Variants in RHBG observed in about 807,000 individuals in gnomAD.
RHBG encodes the protein ammonium transporter Rh type B.
A neutral mutation model predicts 40.1 loss-of-function variants in RHBG; 39 were observed. That is an observed-to-expected ratio of 0.97 (90% CI 0.75 to 1.27). RHBG has a LOEUF of 1.27. RHBG is among the 50% of genes most tolerant of loss of function. The probability of loss-of-function intolerance (pLI) is 0.00; values close to 1 mark genes in which losing one functional copy is unlikely to be tolerated. For missense variants in RHBG, 549 were observed against 588.1 expected (o/e 0.93, Z 0.69); for synonymous variants, 237 against 252.5 (o/e 0.94, Z 0.58).
chr1:156,381,679 C>T, intron 5 of RHBG, 127 bp from the exon 6 acceptor site: 1 of 1,403,808 alleles, frequency 7.1e-7, no homozygotes, highest in Non-Finnish European at 9.7e-7. Context: ...GATATGGTAG[C>T]AGGACAATGA....
In RHBG at chr1:156,377,898, C is replaced by CCCAA; in HGVS notation, c.375-92_375-91insCCAA. The CCCAA allele has an allele frequency of 7.6e-7, 1 of 1,308,002 alleles. No individual in the cohort carries two copies. Among genetic ancestry groups the CCCAA allele is most frequent in the Non-Finnish European group, 1.0e-6 (1 of 958,498 alleles). The allele number at this position is 1,308,002 out of a possible 1,614,324, so 81.0% of individuals were successfully genotyped here. Reference sequence around the variant, plus strand: ...AGAACTCCAACCCCACCCCACCCACCACATCATGCTGTCCTGGCTTCATGC... The same window carrying CCCAA: ...AGAACTCCAACCCCACCCCACCCACCCCAAACATCATGCTGTCCTGGCTTCATGC... On this transcript the variant is annotated intron_variant, in intron 2 of 9. Coordinates refer to ENST00000537040, the MANE Select transcript of RHBG (RefSeq NM_020407.5). The surrounding 1 kb of genome is among the most constrained non-coding windows in gnomAD (Gnocchi z 4.6).
chr1:156,382,689 C>T (rs1667741863), intron 7 of RHBG, 59 bp from the exon 8 acceptor site: 1 of 1,604,164 alleles, frequency 6.2e-7, no homozygotes, highest in South Asian at 1.1e-5. Flanking sequence ...AGCCCTGGCC[C>T]CGGGCTGCAT....
At chr1:156,382,307 CATCCA>C in intron 7 of RHBG, 106 bp downstream of exon 7, 1 of 1,550,958 alleles carries the variant, frequency 6.4e-7, no homozygotes, top group Non-Finnish European at 8.9e-7. Context: ...TTCATTCATT[CATCCA>C]TATTCTGGGA....
Position 156,382,065 on chromosome 1 carries a change from C to T in RHBG, c.979-3C>T, listed in dbSNP as rs1667684174. 2 of 1,610,230 alleles carry T rather than the reference C, an allele frequency of 1.2e-6. No homozygotes were observed. Among genetic ancestry groups the T allele is most frequent in the Non-Finnish European group, 1.7e-6 (2 of 1,177,134 alleles). ...GAGACTCATGATCTGTCTTGCCCTCCAGCCCATCCTTGAATCAAAATTCAA... is the reference window on the plus strand; with the variant it reads ...GAGACTCATGATCTGTCTTGCCCTCTAGCCCATCCTTGAATCAAAATTCAA... On this transcript the variant is annotated splice_region_variant and splice_polypyrimidine_tract_variant and intron_variant, in intron 6 of 9. Transcript: ENST00000537040.
intron 1 of RHBG, among the ~76,000 whole-genome samples, chr1:156,373,904 CCTTT>C: frequency 6.6e-6 from 1 of 152,170 alleles, no homozygotes; most frequent in African/African-American, 2.4e-5. Flanking sequence ...GATGCCTCTC[CCTTT>C]CTGTTTTTTT....
Position 156,369,518 on chromosome 1 carries a change from G to T in RHBG, c.187+82G>T, listed in dbSNP as rs565502368. The T allele has an allele frequency of 3.5e-6, 5 of 1,422,238 alleles. No individual in the cohort carries two copies. In the East Asian group the frequency reaches 1.3e-4, roughly 36 times the overall value. The allele number at this position is 1,422,238 out of a possible 1,614,324, so 88.1% of individuals were successfully genotyped here. A position where few individuals can be genotyped will look rare whatever the true frequency, so the allele number is the denominator to read the frequency against. On this transcript the variant is annotated intron_variant, in intron 1 of 9. Coordinates refer to ENST00000537040, the MANE Select transcript of RHBG (RefSeq NM_020407.5). ...TCCGGTGTCTTGGGAGGGAGCATTT[G>T]GGTGCCCGCATTTAGCTGGGCAGCC...
chr1:156,372,100 C>T (rs1442628456), intron 1 of RHBG, among the ~76,000 whole-genome samples: 4 of 152,124 alleles, frequency 2.6e-5, no homozygotes, highest in South Asian at 4.1e-4. Context: ...CCCTTTGATT[C>T]GGGAGATGAA....
chr1:156,380,725 C>CAAAAA (rs564713959), intron 4 of RHBG, among the ~76,000 whole-genome samples: 2 of 81,984 alleles, frequency 2.4e-5, no homozygotes, highest in Admixed American at 1.4e-4. Context: ...GACCTTGTCT[C>CAAAAA]AAAAAAAAAA....
At chr1:156,375,764 G>A (rs1667149243) in intron 1 of RHBG, among the ~76,000 whole-genome samples, 1 of 149,728 alleles carries the variant, frequency 6.7e-6, no homozygotes, top group South Asian at 2.1e-4. Flanking sequence ...TTTTTGACAC[G>A]GAATCTCACT....
chr1:156,384,744 A>G (rs1434418435), intron 9 of RHBG, 33 bp from the exon 10 acceptor site: 16 of 1,607,784 alleles, frequency 1.0e-5, no homozygotes, highest in Non-Finnish European at 1.4e-5. Flanking sequence ...TCCTGGAGCT[A>G]CCCTTTCACC....
chr1:156,378,044 C>T lies in RHBG; in HGVS notation c.429C>T (p.Val143=). 6 of 1,592,660 alleles carry T rather than the reference C, an allele frequency of 3.8e-6. No homozygotes were observed. The highest frequency in any genetic ancestry group is 4.3e-6 in the Non-Finnish European group (5 of 1,168,768). The change falls in exon 3 of 10, where the codon GTC becomes GTT. Residue 143 remains valine (V), a synonymous_variant. Transcript: ENST00000537040. ...CCGTGCTCATCTCCTTTGGTGCCGTCCTGGGCAAGACCGGGCCTACCCAGC... is the reference window on the plus strand; with the variant it reads ...CCGTGCTCATCTCCTTTGGTGCCGTTCTGGGCAAGACCGGGCCTACCCAGC... ...AGAVLISFGA[V]LGKTGPTQLL...
At chr1:156,384,639 C>T in intron 9 of RHBG, 39 bp downstream of exon 9, 1 of 1,551,584 alleles carries the variant, frequency 6.4e-7, no homozygotes, top group South Asian at 1.2e-5. Context: ...CTGAGTCTCC[C>T]TTCCCTGCCT....
chr1:156,377,895 C>T lies in RHBG; in HGVS notation c.375-95C>T, dbSNP rs553684844. ...TCCAGAACTCCAACCCCACCCCACC[C>T]ACCACATCATGCTGTCCTGGCTTCA... On this transcript the variant is annotated intron_variant, in intron 2 of 9. Coordinates refer to ENST00000537040, the MANE Select transcript of RHBG (RefSeq NM_020407.5). The surrounding 1 kb of genome is among the most constrained non-coding windows in gnomAD (Gnocchi z 4.6). 3.9e-5 allele frequency: 50 copies of T among 1,275,700 alleles called. No homozygotes were observed. The South Asian group carries it at 7.8e-4, about 20-fold the overall frequency. The allele number at this position is 1,275,700 out of a possible 1,614,324, so 79.0% of individuals were successfully genotyped here.
chr1:156,381,614 G>T (rs2101800478), intron 5 of RHBG, 101 bp downstream of exon 5: 1 of 1,451,082 alleles, frequency 6.9e-7, no homozygotes, highest in Non-Finnish European at 9.3e-7. Flanking sequence ...ACAGATAAGG[G>T]CACAGGCATA....
intron 6 of RHBG, 57 bp downstream of exon 6, chr1:156,382,000 C>T (rs1041899926): frequency 5.6e-6 from 9 of 1,608,972 alleles, no homozygotes; most frequent in East Asian, 2.2e-5. Flanking sequence ...CCTTTCCTCC[C>T]GCCTCTCCAA....
chr1:156,377,534 C>A lies in RHBG; in HGVS notation c.374+47C>A. ...AGCTCCCCAAGGTTCACTCGGGAGG[C>A]CCCTGCCCATGGGCCCCGGATCTAG... On this transcript the variant is annotated intron_variant, in intron 2 of 9. Transcript: ENST00000537040. The surrounding 1 kb of genome is among the most constrained non-coding windows in gnomAD (Gnocchi z 4.6). 1 of 1,568,714 alleles carries A rather than the reference C, an allele frequency of 6.4e-7. No homozygotes were observed. The highest frequency in any genetic ancestry group is 1.3e-5 in the African/African-American group (1 of 74,134).
Position 156,381,389 on chromosome 1 carries a change from C to T in RHBG, c.716C>T (p.Ala239Val). Residue 239 changes from alanine to valine, a missense_variant, in exon 5 of 10, where the codon GCA (alanine) becomes GTA (valine). Coordinates refer to ENST00000537040, the MANE Select transcript of RHBG (RefSeq NM_020407.5). ...LWIFWPSFNAALTALGAGQHR... is the reference protein window; with the variant it reads ...LWIFWPSFNAVLTALGAGQHR... ...ATCTTCTGGCCTAGCTTCAATGCTG[C>T]ACTCACAGCGCTGGGGGCTGGGCAG... 6.2e-7 allele frequency: 1 copy of T among 1,614,178 alleles called. No individual in the cohort carries two copies. The highest frequency in any genetic ancestry group is 1.1e-5 in the South Asian group (1 of 91,090).
At chr1:156,382,225 T>C (rs1332471485) in intron 7 of RHBG, 24 bp downstream of exon 7, 3 of 1,614,092 alleles carry the variant, frequency 1.9e-6, no homozygotes, top group East Asian at 4.5e-5. Context: ...CAACCCGTAC[T>C]GCAGTCGTCA....
intron 1 of RHBG, among the ~76,000 whole-genome samples, chr1:156,369,749 C>A (rs1403470134): frequency 1.3e-5 from 2 of 152,132 alleles, no homozygotes; most frequent in African/African-American, 4.8e-5. Flanking sequence ...GAAGCCAGAT[C>A]TAGAGCCCCA....
Sources: gnomAD v4.1 joint callset for allele counts (sites outside exome capture counted in the v4.1 genomes callset) on GRCh38, gnomAD v4.1.1 for gene constraint, Gnocchi (gnomAD v3.1) non-coding constraint, MANE v1.5 for transcripts, NCBI Gene and HGNC (gene_info 2026-07-23, HGNC 2026-07-21) for gene names.